The following GP6 variants were observed in gnomAD, a reference collection of about 807,000 sequenced individuals.
The protein encoded by GP6 is platelet glycoprotein VI.
In GP6, 45 loss-of-function variants were observed where a neutral mutation model predicts 37.3. The ratio of observed to expected loss-of-function variants is 1.21; its 90% CI spans 0.95 to 1.55. GP6 has a LOEUF of 1.55. Ranked by LOEUF, GP6 falls within the 40% of genes most tolerant of loss-of-function variation. The probability of loss-of-function intolerance (pLI) is 0.00; values close to 1 mark genes in which losing one functional copy is unlikely to be tolerated. For synonymous variants in GP6, 340 were observed against 316.4 expected (o/e 1.07, Z -0.79); for missense variants, 813 against 760.2 (o/e 1.07, Z -0.82).
intron 5 of GP6, among the ~76,000 whole-genome samples, chr19:55,022,086 C>T (rs2074107922): frequency 6.6e-6 from 1 of 151,996 alleles, no homozygotes. Flanking sequence ...CATTTTCTCC[C>T]ATTCTGTAGG....
At chr19:55,028,752 G>A (rs957610230) in intron 3 of GP6, among the ~76,000 whole-genome samples, 8 of 152,286 alleles carry the variant, frequency 5.3e-5, no homozygotes, top group Middle Eastern at 3.4e-3. Context: ...CAGGGTCTCC[G>A]CTCCTAAACA....
intron 4 of GP6, among the ~76,000 whole-genome samples, chr19:55,025,966 C>T (rs1398905142): frequency 6.8e-6 from 1 of 147,398 alleles, no homozygotes; most frequent in Non-Finnish European, 1.5e-5. Context: ...CACTCCACTG[C>T]ACTCCAGCCT....
In GP6 at chr19:55,032,490, C is replaced by G. The variant is rs779634946; in HGVS notation, c.67+16G>C. 2 of 1,613,698 alleles carry G rather than the reference C, an allele frequency of 1.2e-6. No individual in the cohort carries two copies. Among genetic ancestry groups the G allele is most frequent in the African/African-American group, 2.7e-5 (2 of 74,940 alleles). ...GCGGATCCCGCAGGAGGGAAGGGGT[C>G]TGGGGAAGGACTCACCACTCTGCGC... On this transcript the variant is annotated intron_variant, in intron 2 of 7. Coordinates refer to ENST00000310373, the MANE Select transcript of GP6 (RefSeq NM_001083899.2).
At chr19:55,033,348 G>A (rs1297742388) in intron 1 of GP6, among the ~76,000 whole-genome samples, 2 of 101,046 alleles carry the variant, frequency 2.0e-5, no homozygotes, top group African/African-American at 4.0e-5. Flanking sequence ...TGTTAGACAC[G>A]GTGGGCTCGT....
At position 55,027,632 on chromosome 19, in the gene GP6, T is replaced by A; in HGVS notation, c.556A>T (p.Arg186Trp). 1 of 1,613,804 alleles carries A rather than the reference T, an allele frequency of 6.2e-7. No individual in the cohort carries two copies. Among genetic ancestry groups the A allele is most frequent in the Non-Finnish European group, 8.5e-7 (1 of 1,179,662 alleles). ...GGGGCTGACCACAGGTATGGGTCCC[T>A]GCTGGAGAAGCTGTAGCATCGGTAG... Residue 186 changes from arginine to tryptophan, a missense_variant, in exon 4 of 8, where the codon AGG becomes TGG. Coordinates refer to ENST00000310373, the MANE Select transcript of GP6 (RefSeq NM_001083899.2).
chr19:55,026,883 C>CA (rs767194721), intron 4 of GP6, among the ~76,000 whole-genome samples: 2,943 of 131,058 alleles, frequency 0.022, 64 homozygotes, highest in Non-Finnish European at 0.03. Flanking sequence ...GAGACTTCGT[C>CA]AAAAAAAAAA....
intron 3 of GP6, among the ~76,000 whole-genome samples, chr19:55,028,274 C>A (rs936102489): frequency 1.3e-5 from 2 of 152,190 alleles, no homozygotes; most frequent in African/African-American, 4.8e-5. Flanking sequence ...TTGCCACATA[C>A]AATTGTTACG....
At chr19:55,024,053 G>C (rs568821257) in intron 5 of GP6, among the ~76,000 whole-genome samples, 1 of 152,322 alleles carries the variant, frequency 6.6e-6, no homozygotes, top group South Asian at 2.1e-4. Flanking sequence ...CTACAACTGT[G>C]ACAAATTGGC....
At chr19:55,030,844 GGTTA>G (rs1338194245) in intron 3 of GP6, among the ~76,000 whole-genome samples, 3 of 151,946 alleles carry the variant, frequency 2.0e-5, no homozygotes, top group Admixed American at 2.0e-4. Flanking sequence ...TTGTGTCTAT[GGTTA>G]GTTTTTTGTT....
At chr19:55,036,895 C>T (rs1424973353) in intron 1 of GP6, among the ~76,000 whole-genome samples, 1 of 152,082 alleles carries the variant, frequency 6.6e-6, no homozygotes, top group Non-Finnish European at 1.5e-5. Flanking sequence ...CCTGTAATCC[C>T]AACTATTCGG....
chr19:55,035,445 C>G (rs944515536), intron 1 of GP6, among the ~76,000 whole-genome samples: 3 of 152,166 alleles, frequency 2.0e-5, no homozygotes, highest in African/African-American at 4.8e-5. Context: ...ACCGGCCGGG[C>G]GCGCTGGCTC....
chr19:55,024,342 G>GCACATGCACGCGCA (rs1568613415), intron 5 of GP6, among the ~76,000 whole-genome samples: 4 of 17,918 alleles, frequency 2.2e-4, no homozygotes, highest in African/African-American at 5.1e-4. Context: ...ACGCACACAC[G>GCACATGCACGCGCA]CACATGCACG....
rs554604984 is a variant in GP6, at chr19:55,017,534, G to C, written c.724+1118C>G. Among the ~76,000 whole-genome samples, 11 of 152,254 alleles carry C rather than the reference G, an allele frequency of 7.2e-5. 1 individual carries two copies. In the South Asian group the frequency reaches 2.3e-3, roughly 32 times the overall value. On this transcript the variant is annotated intron_variant, in intron 6 of 7. Transcript: ENST00000310373. ...GATGCCATGGGGAAATGGAAGAAAAGGCAGAGTGAGTGGGTTGGGTGCAGA... is the reference window on the plus strand; with the variant it reads ...GATGCCATGGGGAAATGGAAGAAAACGCAGAGTGAGTGGGTTGGGTGCAGA...
rs752155931 is a variant in GP6, at chr19:55,014,964, T to C, written c.981A>G (p.Gly327=). 1.9e-6 allele frequency: 3 copies of C among 1,610,258 alleles called. No individual in the cohort carries two copies. Among genetic ancestry groups the C allele is most frequent in the Non-Finnish European group, 2.5e-6 (3 of 1,178,000 alleles). Residue 327 remains glycine, a synonymous_variant, in exon 8 of 8, where the codon GGA becomes GGG. Coordinates refer to ENST00000310373, the MANE Select transcript of GP6 (RefSeq NM_001083899.2). ...GCTGTGAACATCCTGTCGGCCTCCATCCTGACCCCCGTTTGATTTCCGGGT... is the reference window on the plus strand; with the variant it reads ...GCTGTGAACATCCTGTCGGCCTCCACCCTGACCCCCGTTTGATTTCCGGGT...
At position 55,025,206 on chromosome 19, in the gene GP6, T is replaced by C. The variant is rs376003141; in HGVS notation, c.664+12A>G. The C allele has an allele frequency of 1.0e-4, 150 of 1,501,508 alleles. No individual in the cohort carries two copies. The highest frequency in any genetic ancestry group is 1.3e-4 in the Non-Finnish European group (148 of 1,101,028). The allele number at this position is 1,501,508 out of a possible 1,614,324, so 93.0% of individuals were successfully genotyped here. On this transcript the variant is annotated intron_variant, in intron 5 of 7. Transcript: ENST00000310373. The stretch of plus-strand genomic sequence containing the variant: ...ATACGCTGTGCACCAGAATGGACCC[T>C]GCAGAACCTACCTGCTACCGGGGAA...
At chr19:55,034,238 G>A (rs2074736041) in intron 1 of GP6, among the ~76,000 whole-genome samples, 1 of 151,826 alleles carries the variant, frequency 6.6e-6, no homozygotes, top group Admixed American at 6.6e-5. Flanking sequence ...CTTGAGCCCA[G>A]GAGGTCAAGT....
At chr19:55,029,055 C>T (rs1266291479) in intron 3 of GP6, among the ~76,000 whole-genome samples, 2 of 147,898 alleles carry the variant, frequency 1.4e-5, no homozygotes, top group Non-Finnish European at 3.0e-5. Flanking sequence ...ATATAAGCTG[C>T]CTAATAATTA....
chr19:55,034,470 C>T (rs1253984581), intron 1 of GP6, among the ~76,000 whole-genome samples: 3 of 151,704 alleles, frequency 2.0e-5, no homozygotes, highest in Non-Finnish European at 4.4e-5. Flanking sequence ...TCAGGAGAAT[C>T]ACTTGAACCC....
chr19:55,032,004 T>C, intron 3 of GP6, 135 bp downstream of exon 3: 1 of 840,850 alleles, frequency 1.2e-6, no homozygotes. Context: ...CATTGATCCA[T>C]AAATGTCGTG....
Sources: gnomAD v4.1 joint callset for allele counts (sites outside exome capture counted in the v4.1 genomes callset) on GRCh38, gnomAD v4.1.1 for gene constraint, MANE v1.5 for transcripts, NCBI Gene and HGNC (gene_info 2026-07-23, HGNC 2026-07-21) for gene names.